The following EML6 variants were observed in gnomAD, a reference collection of about 807,000 sequenced individuals.
EML6 encodes the protein echinoderm microtubule-associated protein-like 6.
A neutral mutation model predicts 240.1 loss-of-function variants in EML6; 154 were observed. The observed-to-expected ratio is 0.64, with a 90% CI of 0.56 to 0.73. EML6 has a LOEUF of 0.73. EML6 is among the 30% of genes least tolerant of loss of function. The pLI, the probability that EML6 is intolerant of heterozygous loss-of-function variation, is 0.00. For missense variants in EML6, 2,964 were observed against 2,474.6 expected (o/e 1.20, Z -4.20); for synonymous variants, 1,148 against 899.0 (o/e 1.28, Z -4.95).
intron 35 of EML6, among the ~76,000 whole-genome samples, chr2:54,961,759 C>G (rs1573223607): frequency 6.6e-6 from 1 of 151,784 alleles, no homozygotes; most frequent in East Asian, 2.0e-4. Flanking sequence ...TCCCAGCACT[C>G]TGGGAGGCCA....
intron 7 of EML6, among the ~76,000 whole-genome samples, chr2:54,834,716 G>A (rs910846239): frequency 2.0e-5 from 3 of 152,182 alleles, no homozygotes; most frequent in African/African-American, 7.2e-5. Flanking sequence ...ACCTGCATTA[G>A]GTGAATCACT....
chr2:54,812,779 C>A (rs1667913471), intron 2 of EML6, among the ~76,000 whole-genome samples: 1 of 151,938 alleles, frequency 6.6e-6, no homozygotes, highest in African/African-American at 2.4e-5. Flanking sequence ...GCTTTGAAAT[C>A]CTAATGAGGA....
intron 2 of EML6, among the ~76,000 whole-genome samples, chr2:54,750,624 C>T (rs1335724911): frequency 6.6e-6 from 1 of 152,136 alleles, no homozygotes; most frequent in Non-Finnish European, 1.5e-5. Context: ...GGTCGTTGGC[C>T]TCATTCTTTC....
intron 24 of EML6, among the ~76,000 whole-genome samples, chr2:54,905,871 C>CT (rs893270176): frequency 2.2e-4 from 33 of 152,150 alleles, no homozygotes; most frequent in African/African-American, 8.0e-4. Flanking sequence ...AATTTCCTTA[C>CT]TTTAAAGACT....
In EML6 at chr2:54,869,517, C is replaced by G. The variant is rs59183756; in HGVS notation, c.2238+150C>G. ...AATGATCATTGGATCCTTCCAAGAT[C>G]ATGGGAGAATCAAGCAAAGCATTTT... On this transcript the variant is annotated intron_variant, in intron 15 of 41. Transcript: ENST00000356458. The G allele has an allele frequency of 0.013, 8,948 of 679,938 alleles. 548 individuals carry two copies. The African/African-American group carries it at 0.13, about 10-fold the overall frequency. The allele number at this position is 679,938 out of a possible 1,614,324, so 42.1% of individuals were successfully genotyped here.
Position 54,962,655 on chromosome 2 carries a change from C to G in EML6, c.5101C>G (p.Leu1701Val), listed in dbSNP as rs1020757676. 3 of 1,534,082 alleles carry G rather than the reference C, an allele frequency of 2.0e-6. No homozygotes were observed. The highest frequency in any genetic ancestry group is 2.5e-5 in the East Asian group (1 of 39,860). ...WGLATHPSKD[L>V]FISASNDGTA... ...CCTGGCCACTCACCCTTCCAAGGAC[C>G]TCTTCATCTCTGCCAGCAACGATGG... Residue 1701 changes from leucine to valine, a missense_variant, in exon 36 of 42, where the codon CTC (leucine) becomes GTC (valine). By Grantham distance (32) the Leu-to-Val change is conservative (BLOSUM62 1). Transcript: ENST00000356458.
At chr2:54,897,530 G>T (rs1394441502) in intron 21 of EML6, among the ~76,000 whole-genome samples, 1 of 152,174 alleles carries the variant, frequency 6.6e-6, no homozygotes, top group Non-Finnish European at 1.5e-5. Flanking sequence ...TCCAACCAAG[G>T]TTTGCCAGAG....
At chr2:54,800,330 C>T (rs895959183) in intron 2 of EML6, among the ~76,000 whole-genome samples, 2 of 152,066 alleles carry the variant, frequency 1.3e-5, no homozygotes, top group South Asian at 4.2e-4. Context: ...AAAGGTATCC[C>T]CCACTGTTCC....
At position 54,829,417 on chromosome 2, in the gene EML6, G is replaced by T; in HGVS notation, c.787G>T (p.Asp263Tyr). 6.4e-7 allele frequency: 1 copy of T among 1,551,796 alleles called. No homozygotes were observed. Among genetic ancestry groups the T allele is most frequent in the Non-Finnish European group, 8.7e-7 (1 of 1,146,806 alleles). ...GGRDGCIRLW[D>Y]TDFKPITKID... ...GCGAGATGGGTGTATACGACTGTGG[G>T]ACACTGATTTCAAACCAATAACCAA... The change falls in exon 7 of 42, where the codon GAC (aspartate) becomes TAC (tyrosine). Residue 263 changes from aspartate (D) to tyrosine (Y), a missense_variant. Asp to Tyr is a radical substitution (Grantham distance 160). Coordinates refer to ENST00000356458, the MANE Select transcript of EML6 (RefSeq NM_001039753.4).
intron 26 of EML6, among the ~76,000 whole-genome samples, chr2:54,923,958 A>T (rs960937910): frequency 6.6e-6 from 1 of 152,234 alleles, no homozygotes; most frequent in Non-Finnish European, 1.5e-5. Flanking sequence ...GCATAATAAT[A>T]GTTCATTCAT....
chr2:54,923,365 A>ATG (rs1558689702), intron 26 of EML6, among the ~76,000 whole-genome samples: 2 of 69,628 alleles, frequency 2.9e-5, no homozygotes, highest in African/African-American at 5.7e-5. Flanking sequence ...TCCTCACCAA[A>ATG]CGCACACACA....
rs1442118315 is a variant in EML6, at chr2:54,779,878, AAAAG to A, written c.198-33351_198-33348del. ...CTCAAAAAAAAAGAAAAAAAAAAAAAAAAGAATATAGTAAGGAAGGCAGGAGGGA... is the reference window on the plus strand; with the variant it reads ...CTCAAAAAAAAAGAAAAAAAAAAAAAAATATAGTAAGGAAGGCAGGAGGGA... On this transcript the variant is annotated intron_variant, in intron 2 of 41. Coordinates refer to ENST00000356458, the MANE Select transcript of EML6 (RefSeq NM_001039753.4). Among the ~76,000 whole-genome samples the A allele has an allele frequency of 5.6e-4, 84 of 151,274 alleles. No homozygotes were observed. In the Middle Eastern group the frequency reaches 0.01, roughly 18 times the overall value.
chr2:54,885,809 C>T (rs371689167), intron 17 of EML6, among the ~76,000 whole-genome samples: 1 of 151,958 alleles, frequency 6.6e-6, no homozygotes, highest in East Asian at 2.0e-4. Flanking sequence ...GATGGGGTTT[C>T]ACCGTGTTAG....
rs752933907 is a variant in EML6, at chr2:54,813,326, G to T, written c.292G>T (p.Val98Leu). The T allele has an allele frequency of 6.4e-7, 1 of 1,551,524 alleles. No homozygotes were observed. The change falls in exon 3 of 42, where the codon GTG becomes TTG. Residue 98 changes from valine to leucine, a missense_variant. Val to Leu is a conservative substitution (Grantham distance 32, BLOSUM62 1). Transcript: ENST00000356458. ...CIWDSYNVQT[V>L]SLLKDVHTHG... ...ATGGGATTCCTATAATGTCCAGACT[G>T]TGTCTCTTCTTAAAGATGTCCATAC...
intron 26 of EML6, 69 bp from the exon 27 acceptor site, chr2:54,928,244 A>G: frequency 4.2e-6 from 5 of 1,199,930 alleles, no homozygotes; most frequent in Non-Finnish European, 6.0e-6. Context: ...GTAGAAACTA[A>G]CATGGATAAA....
At chr2:54,778,019 T>G (rs963843880) in intron 2 of EML6, among the ~76,000 whole-genome samples, 1 of 152,206 alleles carries the variant, frequency 6.6e-6, no homozygotes, top group Non-Finnish European at 1.5e-5. Context: ...TAAAAGATAA[T>G]CTAGGCATTC....
intron 2 of EML6, among the ~76,000 whole-genome samples, chr2:54,810,406 C>G (rs571791481): frequency 1.3e-5 from 2 of 152,130 alleles, no homozygotes; most frequent in Admixed American, 6.5e-5. Context: ...TCCATTCCCC[C>G]CAACCCCGTC....
chr2:54,900,234 T>C (rs1672985197), intron 22 of EML6, among the ~76,000 whole-genome samples: 1 of 152,196 alleles, frequency 6.6e-6, no homozygotes. Flanking sequence ...CTATGAGGTG[T>C]ACTGAGAGGT....
chr2:54,836,282 G>A (rs914032471), intron 7 of EML6, among the ~76,000 whole-genome samples: 1 of 152,168 alleles, frequency 6.6e-6, no homozygotes, highest in African/African-American at 2.4e-5. Context: ...AGCCTGGGTG[G>A]GTTTCCTCCC....
Sources: gnomAD v4.1 joint callset for allele counts (sites outside exome capture counted in the v4.1 genomes callset) on GRCh38, gnomAD v4.1.1 for gene constraint, MANE v1.5 for transcripts, NCBI Gene and HGNC (gene_info 2026-07-23, HGNC 2026-07-21) for gene names.